Variants in HK1 observed in about 807,000 individuals in gnomAD.
The protein encoded by HK1 is hexokinase-1.
Under a neutral mutation model 91.6 loss-of-function variants are expected in HK1, and 28 were observed. The ratio of observed to expected loss-of-function variants is 0.31; its 90% CI spans 0.23 to 0.42. HK1 has a LOEUF of 0.42. Ranked by LOEUF, HK1 falls within the 10% of genes least tolerant of loss-of-function variation. The pLI is 1.00. For synonymous variants in HK1, 430 were observed against 468.1 expected (o/e 0.92, Z 1.05); for missense variants, 770 against 1,219.8 (o/e 0.63, Z 5.49).
intron 2 of HK1, among the ~76,000 whole-genome samples, chr10:69,350,183 C>A (rs1203862578): frequency 6.6e-6 from 1 of 152,146 alleles, no homozygotes; most frequent in Non-Finnish European, 1.5e-5. Context: ...GAACCAATCA[C>A]GATGGACAAG....
At chr10:69,349,622 C>G (rs756478770) in intron 2 of HK1, among the ~76,000 whole-genome samples, 8 of 152,174 alleles carry the variant, frequency 5.3e-5, no homozygotes, top group Non-Finnish European at 1.0e-4. Context: ...GGCAGGCTGT[C>G]TCACCCCCAA....
At chr10:69,386,636 G>A (rs59629273) in intron 13 of HK1, 4,147 of 407,232 alleles carry the variant, frequency 0.01, 182 homozygotes, top group African/African-American at 0.077. Flanking sequence ...ACACAAATTA[G>A]CCAGGCGTGG....
intron 7 of HK1, among the ~76,000 whole-genome samples, chr10:69,372,668 T>C (rs1475764492): frequency 2.0e-5 from 3 of 152,198 alleles, no homozygotes; most frequent in African/African-American, 4.8e-5. Flanking sequence ...CAGAATCTTT[T>C]CTCATTGGTA....
intron 7 of HK1, among the ~76,000 whole-genome samples, chr10:69,371,216 C>G (rs1332843781): frequency 6.6e-6 from 1 of 152,028 alleles, no homozygotes; most frequent in African/African-American, 2.4e-5. Flanking sequence ...GTTCTTACAC[C>G]CAGAGTTGAG....
chr10:69,342,320 G>A (rs923443170), intron 1 of HK1, among the ~76,000 whole-genome samples: 3 of 152,184 alleles, frequency 2.0e-5, no homozygotes, highest in Admixed American at 6.5e-5. Flanking sequence ...AGGGTGACAC[G>A]CATGGAAAGC....
chr10:69,271,577 T>C (rs7903625), intron 1 of HK1, among the ~76,000 whole-genome samples: 67,880 of 150,494 alleles, frequency 0.45, 15,674 homozygotes, highest in African/African-American at 0.54. Context: ...CCTGGGTTCA[T>C]GCCATTCTCC....
chr10:69,360,469 G>C (rs949507448), intron 3 of HK1, among the ~76,000 whole-genome samples: 5 of 152,244 alleles, frequency 3.3e-5, no homozygotes, highest in African/African-American at 1.2e-4. Context: ...TGTAGGGTAT[G>C]GCTGTGGCCT....
At position 69,359,850 on chromosome 10, in the gene HK1, C is replaced by T. The variant is rs748476727; in HGVS notation, c.227-47C>T. The T allele has an allele frequency of 5.0e-6, 8 of 1,593,026 alleles. No individual in the cohort carries two copies. The South Asian group carries it at 8.8e-5, about 18-fold the overall frequency. ...GGAAGCGGGCATGGTATGTGGCTTC[C>T]CCTTAACATTTGAATCTCATGTGAT... On this transcript the variant is annotated intron_variant, in intron 2 of 17. Transcript: ENST00000359426.
In HK1 at chr10:69,301,149, G is replaced by A. The variant is rs188748681; in HGVS notation, c.27+288G>A. 4.7e-3 allele frequency among the ~76,000 whole-genome samples: 708 copies of A among 151,398 alleles called. 7 individuals are homozygous for A. Among genetic ancestry groups the A allele is most frequent in the African/African-American group, 0.016 (672 of 41,200 alleles). ...TAATCCCAGCTACTCGGGAGGCTGAGGCAGATAATTGCTTGAACCTGGGAG... is the reference window on the plus strand; with the variant it reads ...TAATCCCAGCTACTCGGGAGGCTGAAGCAGATAATTGCTTGAACCTGGGAG... On this transcript the variant is annotated intron_variant, in intron 5 of 21. Transcript: ENST00000360289.
intron 1 of HK1, among the ~76,000 whole-genome samples, chr10:69,276,118 A>C (rs10998685): frequency 6.8e-4 from 26 of 38,270 alleles, no homozygotes; most frequent in African/African-American, 1.9e-3. Context: ...AAAAAAAAAA[A>C]ATACATATAT....
exon 5 of HK1, chr10:69,300,770 A>G: frequency 6.3e-7 from 1 of 1,579,814 alleles, no homozygotes; most frequent in Non-Finnish European, 8.7e-7. Context: ...TCTTTTCAGC[A>G]TTGTTGATGC....
chr10:69,398,988 G>T (rs1159234315), intron 17 of HK1, among the ~76,000 whole-genome samples, 160 bp downstream of exon 17: 1 of 152,216 alleles, frequency 6.6e-6, no homozygotes, highest in Non-Finnish European at 1.5e-5. Context: ...ACAAGGTAAT[G>T]AACAGTTTGT....
At chr10:69,301,082 C>A (rs919887960) in intron 5 of HK1, among the ~76,000 whole-genome samples, 40 of 151,846 alleles carry the variant, frequency 2.6e-4, no homozygotes, top group Middle Eastern at 6.8e-3. Context: ...CCAGTCTCTA[C>A]TAAAAATACA....
chr10:69,335,548 G>A (rs538372601), intron 1 of HK1, among the ~76,000 whole-genome samples: 2 of 152,318 alleles, frequency 1.3e-5, no homozygotes, highest in South Asian at 4.1e-4. Context: ...CACAGGACCA[G>A]GAATCAGGGA....
intron 3 of HK1, among the ~76,000 whole-genome samples, chr10:69,289,865 C>G (rs1035596109): frequency 6.6e-6 from 1 of 151,540 alleles, no homozygotes; most frequent in African/African-American, 2.4e-5. Context: ...AAGTGATCCT[C>G]CCACCTCATC....
At chr10:69,337,987 G>A (rs1848078957) in intron 1 of HK1, 1 of 154,624 alleles carries the variant, frequency 6.5e-6, no homozygotes, top group Non-Finnish European at 1.4e-5. Context: ...GTCGGGCACA[G>A]AAATGTTTGT....
intron 3 of HK1, among the ~76,000 whole-genome samples, chr10:69,293,650 G>T (rs1845399845): frequency 6.6e-6 from 1 of 151,990 alleles, no homozygotes; most frequent in South Asian, 2.1e-4. Flanking sequence ...TGTCAGACTG[G>T]CTCCCTCAGA....
At chr10:69,286,352 G>C (rs1845033229) in intron 2 of HK1, among the ~76,000 whole-genome samples, 1 of 151,982 alleles carries the variant, frequency 6.6e-6, no homozygotes, top group African/African-American at 2.4e-5. Flanking sequence ...TAAAAAATTA[G>C]CCAGCTGTGG....
At chr10:69,276,090 CAAAA>C (rs60324656) in intron 1 of HK1, among the ~76,000 whole-genome samples, 6 of 15,938 alleles carry the variant, frequency 3.8e-4, no homozygotes, top group East Asian at 3.1e-3. Context: ...AACTCCTTTT[CAAAA>C]AAAAAAAAAA....
Sources: allele counts gnomAD v4.1 joint callset (sites outside exome capture counted in the v4.1 genomes callset), GRCh38; gene constraint gnomAD v4.1.1; transcripts MANE v1.5; gene names NCBI Gene and HGNC (gene_info 2026-07-23, HGNC 2026-07-21).